Variants in TNS1 observed in about 807,000 individuals in gnomAD.
The protein encoded by TNS1 is tensin 1.
Under a neutral mutation model 168.6 loss-of-function variants are expected in TNS1, and 62 were observed. The observed-to-expected ratio is 0.37, with a 90% confidence interval of 0.30 to 0.45. The LOEUF is 0.45. TNS1 is among the 20% of genes least tolerant of loss of function. The probability of loss-of-function intolerance (pLI) is 1.00; values close to 1 mark genes in which losing one functional copy is unlikely to be tolerated. For missense variants in TNS1, 2,240 were observed against 2,339.4 expected, an observed-to-expected ratio of 0.96 and a Z score of 0.88; for synonymous variants, 934 against 933.2, an observed-to-expected ratio of 1.00 and a Z score of -0.02.
chr2:217,921,555 G>T (rs925572212), intron 3 of TNS1, among the ~76,000 whole-genome samples: 2 of 152,228 alleles, frequency 1.3e-5, no homozygotes, highest in Non-Finnish European at 2.9e-5. Flanking sequence ...GGGACAGTGT[G>T]CTCCAAGCTC....
rs916970301 is a variant in TNS1 at position 217,880,156 on chromosome 2, C to T, written c.1429+742G>A. 2.0e-5 allele frequency among the ~76,000 whole-genome samples: 3 copies of T among 152,188 alleles called. No individual in the cohort carries two copies. Among genetic ancestry groups the T allele is most frequent in the Non-Finnish European group, 4.4e-5 (3 of 68,040 alleles). ...CCTGGGCTCTGGGCATGCTCACTTT[C>T]GGAGCCCGCCCCACGTCTCCTTACA... On this transcript the variant is annotated intron_variant, in intron 18 of 32. Transcript: ENST00000682258. This position sits in a 1 kb window ranked among gnomAD's most constrained non-coding sequence, Gnocchi z 4.2.
At chr2:217,985,349 C>T (rs1958169137) in intron 2 of TNS1, 1 of 152,074 alleles carries the variant, frequency 6.6e-6, no homozygotes, top group South Asian at 2.1e-4. Context: ...TATATATAAT[C>T]TCATTTAATC....
intron 2 of TNS1, among the ~76,000 whole-genome samples, chr2:217,989,871 C>T (rs537997738): frequency 6.6e-6 from 1 of 152,166 alleles, no homozygotes; most frequent in South Asian, 2.1e-4. Context: ...ATGCACCTGC[C>T]ACAAACCCTC....
chr2:217,939,004 C>T (rs1956776036), intron 3 of TNS1, among the ~76,000 whole-genome samples: 1 of 152,032 alleles, frequency 6.6e-6, no homozygotes, highest in African/African-American at 2.4e-5. Context: ...AGAGATGGAA[C>T]AACAAGACAA....
intron 8 of TNS1, among the ~76,000 whole-genome samples, chr2:217,895,561 A>G (rs1952206371): frequency 6.6e-6 from 1 of 152,194 alleles, no homozygotes; most frequent in Non-Finnish European, 1.5e-5. Context: ...TTTCCACTTC[A>G]TACCTTGACC....
At chr2:217,865,099 A>C (rs1949149866) in intron 18 of TNS1, among the ~76,000 whole-genome samples, 1 of 152,066 alleles carries the variant, frequency 6.6e-6, no homozygotes, top group African/African-American at 2.4e-5. Flanking sequence ...GGTTGTGAGC[A>C]GAGGGGTCCA....
At chr2:217,961,472 A>C (rs1217956146) in intron 3 of TNS1, among the ~76,000 whole-genome samples, 1 of 152,092 alleles carries the variant, frequency 6.6e-6, no homozygotes, top group Admixed American at 6.5e-5. Context: ...TCCTGAAAGT[A>C]CCTGAAGCCA....
At chr2:217,930,702 GGGGCA>G (rs1956276192) in intron 3 of TNS1, among the ~76,000 whole-genome samples, 2 of 152,220 alleles carry the variant, frequency 1.3e-5, no homozygotes, top group Admixed American at 1.3e-4. Context: ...GCAGGAAAGT[GGGGCA>G]GTCAGAGCTG....
intron 1 of TNS1, among the ~76,000 whole-genome samples, chr2:218,015,967 G>A (rs1958756087): frequency 1.3e-5 from 2 of 152,208 alleles, no homozygotes; most frequent in African/African-American, 4.8e-5. Context: ...GATTAAAGCA[G>A]GGACTGTCTA....
At chr2:217,980,347 C>T (rs558995206) in intron 2 of TNS1, among the ~76,000 whole-genome samples, 3 of 152,218 alleles carry the variant, frequency 2.0e-5, no homozygotes, top group East Asian at 1.9e-4. Flanking sequence ...ACCACCAGCC[C>T]GGGTAGCAAC....
At chr2:217,921,448 A>G (rs942520177) in intron 3 of TNS1, among the ~76,000 whole-genome samples, 2 of 152,174 alleles carry the variant, frequency 1.3e-5, no homozygotes, top group Admixed American at 1.3e-4. Flanking sequence ...TGGGCACCCT[A>G]GCTGAGCCCT....
intron 17 of TNS1, 140 bp from the exon 18 acceptor site, chr2:217,881,154 G>A (rs954539497): frequency 3.2e-6 from 2 of 633,662 alleles, no homozygotes. Flanking sequence ...CTTGAGCGTG[G>A]TGGGCGGGAC....
intron 1 of TNS1, among the ~76,000 whole-genome samples, chr2:217,994,029 G>A (rs962611483): frequency 6.6e-6 from 1 of 152,174 alleles, no homozygotes; most frequent in African/African-American, 2.4e-5. Context: ...TGGGGAGCTG[G>A]AGCCCAGCAG....
chr2:217,812,920 C>T (rs978794714), intron 27 of TNS1, among the ~76,000 whole-genome samples: 5 of 152,220 alleles, frequency 3.3e-5, no homozygotes, highest in African/African-American at 7.2e-5. Context: ...GGTGCTGAGA[C>T]TGTGACATTC....
At chr2:218,003,084 C>G (rs1352665220), upstream of TNS1, 1 of 385,820 alleles carries the variant, frequency 2.6e-6, no homozygotes, top group African/African-American at 2.1e-5. Context: ...CTCCTCTCTC[C>G]TCCCTCCTCC....
chr2:217,984,418 G>GT (rs556039091), intron 2 of TNS1, among the ~76,000 whole-genome samples: 1,619 of 145,942 alleles, frequency 0.011, 28 homozygotes, highest in Admixed American at 0.042. Flanking sequence ...AATATTATGA[G>GT]TTTTTTTTTT....
chr2:218,008,252 C>A (rs1038824356), intron 1 of TNS1, among the ~76,000 whole-genome samples: 16 of 152,202 alleles, frequency 1.1e-4, no homozygotes, highest in Non-Finnish European at 2.1e-4. Context: ...TAATTTCCTG[C>A]CTGACTCAGG....
At chr2:217,841,182 G>A (rs1434771120) in intron 19 of TNS1, 4 of 979,724 alleles carry the variant, frequency 4.1e-6, no homozygotes, top group South Asian at 9.5e-5. Context: ...GGAGAAGGGG[G>A]AAGGAGAGCC....
In TNS1 at chr2:217,842,096, G is replaced by A. The variant is rs1412823398; in HGVS notation, c.3007+5414C>T. On this transcript the variant is annotated intron_variant, in intron 19 of 32. Transcript: ENST00000682258. ...CTGCTCCATGCCAGTTCCTATGCTG[G>A]TTCCCTCCTCCTGTCTGTAGCCTTG... is the stretch of plus-strand genomic sequence containing the variant. 5 of 702,878 alleles carry A rather than the reference G, an allele frequency of 7.1e-6. No individual in the cohort carries two copies. In the African/African-American group the frequency reaches 8.7e-5, roughly 12 times the overall value. 43.5% of individuals were successfully genotyped at this position (702,878 alleles called of 1,614,324 possible).
Sources: gnomAD v4.1 joint callset for allele counts (sites outside exome capture counted in the v4.1 genomes callset) on GRCh38, gnomAD v4.1.1 for gene constraint, Gnocchi (gnomAD v3.1) non-coding constraint, MANE v1.5 for transcripts, NCBI Gene and HGNC (gene_info 2026-07-23, HGNC 2026-07-21) for gene names.